Variants in GRK2 observed in about 807,000 individuals in gnomAD.
The protein encoded by GRK2 is adrenergic beta receptor kinase 1.
Under a neutral mutation model 97.8 loss-of-function variants are expected in GRK2, and 23 were observed. The observed-to-expected ratio is 0.24, with a 90% confidence interval of 0.17 to 0.33. GRK2 has a LOEUF of 0.33. Ranked by LOEUF, GRK2 falls within the 10% of genes least tolerant of loss-of-function variation. GRK2 has a pLI of 1.00. For missense variants in GRK2, 633 were observed against 956.9 expected, an observed-to-expected ratio of 0.66 and a Z score of 4.47; for synonymous variants, 425 against 381.7, an observed-to-expected ratio of 1.11 and a Z score of -1.32.
chr11:67,280,250 C>T (rs1009543871), intron 6 of GRK2: 7 of 406,596 alleles, frequency 1.7e-5, no homozygotes, highest in African/African-American at 1.4e-4. Context: ...AGGGGTAGGC[C>T]CAGTAGAGCG....
intron 18 of GRK2, 58 bp from the exon 19 acceptor site, chr11:67,284,789 C>T (rs1455264490): frequency 1.3e-6 from 2 of 1,578,762 alleles, no homozygotes; most frequent in Admixed American, 3.6e-5. Flanking sequence ...GACCCTGTCT[C>T]AAAACAAAAA....
chr11:67,286,104 C>T lies in GRK2; in HGVS notation c.*654C>T. On this transcript the variant is annotated 3_prime_UTR_variant, in exon 21 of 21. Coordinates refer to ENST00000308595, the MANE Select transcript of GRK2 (RefSeq NM_001619.5). Reference sequence around the variant, plus strand: ...CTACCCTCCCTGCTGTCCCCTCTTGCCCCAACCCCCAGCACCCGGGCTCAG... The same window carrying T: ...CTACCCTCCCTGCTGTCCCCTCTTGTCCCAACCCCCAGCACCCGGGCTCAG... 1 of 420,396 alleles carries T rather than the reference C, an allele frequency of 2.4e-6. No homozygotes were observed. Among genetic ancestry groups the T allele is most frequent in the Non-Finnish European group, 4.3e-6 (1 of 234,440 alleles). The allele number at this position is 420,396 out of a possible 1,614,324, so 26.0% of individuals were successfully genotyped here.
At position 67,276,982 on chromosome 11, in the gene GRK2, G is replaced by A. The variant is rs745826049; in HGVS notation, c.114-290G>A. ...CTTGGCCAAGTTCCCAAAGCCAGCCGGTGGCATCACTGGGACGAGACCCCA... is the reference window on the plus strand; with the variant it reads ...CTTGGCCAAGTTCCCAAAGCCAGCCAGTGGCATCACTGGGACGAGACCCCA... On this transcript the variant is annotated intron_variant, in intron 1 of 20. Transcript: ENST00000308595. This position sits in a 1 kb window ranked among gnomAD's most constrained non-coding sequence, Gnocchi z 4.2. The A allele has an allele frequency of 5.5e-5, 16 of 293,440 alleles. No homozygotes were observed. Among genetic ancestry groups the A allele is most frequent in the Non-Finnish European group, 8.3e-5 (13 of 155,924 alleles). 18.2% of individuals were successfully genotyped at this position (293,440 alleles called of 1,614,324 possible).
intron 1 of GRK2, among the ~76,000 whole-genome samples, chr11:67,267,485 G>C (rs1373916677): frequency 6.6e-6 from 1 of 152,140 alleles, no homozygotes; most frequent in Non-Finnish European, 1.5e-5. Flanking sequence ...CTCCCCCTCG[G>C]ACCGCGCTCA....
At chr11:67,284,509 G>T in intron 18 of GRK2, 136 bp downstream of exon 18, 1 of 1,068,122 alleles carries the variant, frequency 9.4e-7, no homozygotes, top group Non-Finnish European at 1.3e-6. Flanking sequence ...CTGGGGCCGG[G>T]CATGGTGGCT....
In GRK2 at chr11:67,285,483, T is replaced by TTA; in HGVS notation, c.*33_*34insTA. ...ACCCGCCTTTTATAAACCTCTAATT[T>TTA]ATTTTGTCGAATTTTTATTATTTGT... On this transcript the variant is annotated 3_prime_UTR_variant, in exon 21 of 21. Transcript: ENST00000308595. 1 of 1,500,796 alleles carries TTA rather than the reference T, an allele frequency of 6.7e-7. No individual in the cohort carries two copies. Among genetic ancestry groups the TTA allele is most frequent in the Non-Finnish European group, 8.9e-7 (1 of 1,127,988 alleles). 93.0% of individuals were successfully genotyped at this position (1,500,796 alleles called of 1,614,324 possible).
Position 67,286,079 on chromosome 11 carries a change from C to T in GRK2, c.*629C>T. The T allele has an allele frequency of 2.9e-6, 1 of 348,908 alleles. No individual in the cohort carries two copies. Among genetic ancestry groups the T allele is most frequent in the Non-Finnish European group, 5.3e-6 (1 of 189,942 alleles). 21.6% of individuals were successfully genotyped at this position (348,908 alleles called of 1,614,324 possible). On this transcript the variant is annotated 3_prime_UTR_variant, in exon 21 of 21. Coordinates refer to ENST00000308595, the MANE Select transcript of GRK2 (RefSeq NM_001619.5). ...AGAGTGGCATTGGCAGCAGGTGCTG[C>T]TACCCTCCCTGCTGTCCCCTCTTGC...
intron 1 of GRK2, among the ~76,000 whole-genome samples, chr11:67,267,936 A>C (rs1859831836): frequency 6.6e-6 from 1 of 152,164 alleles, no homozygotes; most frequent in African/African-American, 2.4e-5. Flanking sequence ...TCTACATTTC[A>C]TCAGCTACCC....
rs139609139 is a variant in GRK2, at chr11:67,284,310, G to A, written c.1591G>A (p.Ala531Thr). The A allele has an allele frequency of 4.7e-5, 76 of 1,613,374 alleles. No homozygotes were observed. Among genetic ancestry groups the A allele is most frequent in the African/African-American group, 3.1e-4 (23 of 75,058 alleles). The change falls in exon 18 of 21, where the codon GCT becomes ACT. Residue 531 changes from alanine (A) to threonine (T), a missense_variant. Physicochemically the swap from Ala to Thr is moderately conservative, Grantham distance 58. Coordinates refer to ENST00000308595, the MANE Select transcript of GRK2 (RefSeq NM_001619.5). ...AGAGACTGTCTTCGACACCATCAACGCTGAGACAGACCGGCTGGAGGCTCG... is the reference window on the plus strand; with the variant it reads ...AGAGACTGTCTTCGACACCATCAACACTGAGACAGACCGGCTGGAGGCTCG... ...VAETVFDTINAETDRLEARKK... is the reference protein window; with the variant it reads ...VAETVFDTINTETDRLEARKK...
At chr11:67,279,025 C>T (rs1385019030) in intron 2 of GRK2, among the ~76,000 whole-genome samples, 175 bp from the exon 3 acceptor site, 1 of 152,200 alleles carries the variant, frequency 6.6e-6, no homozygotes, top group Non-Finnish European at 1.5e-5. Flanking sequence ...ATCCAGGAAT[C>T]TTCACGTTGG....
At chr11:67,270,241 TA>T (rs1396340433) in intron 1 of GRK2, among the ~76,000 whole-genome samples, 1 of 152,204 alleles carries the variant, frequency 6.6e-6, no homozygotes, top group Non-Finnish European at 1.5e-5. Flanking sequence ...CTCGTGTAAT[TA>T]ATCTCTGGGC....
At chr11:67,275,967 C>T (rs1229014167) in intron 1 of GRK2, among the ~76,000 whole-genome samples, 5 of 152,184 alleles carry the variant, frequency 3.3e-5, no homozygotes, top group Admixed American at 2.0e-4. Flanking sequence ...AGATGTGCAG[C>T]GGGTCCTCGT....
Position 67,281,480 on chromosome 11 carries a change from C to T in GRK2, c.669C>T (p.Asp223=), listed in dbSNP as rs374629054. The T allele has an allele frequency of 3.7e-6, 6 of 1,613,530 alleles. No homozygotes were observed. Among genetic ancestry groups the T allele is most frequent in the Non-Finnish European group, 5.1e-6 (6 of 1,179,972 alleles). Reference sequence around the variant, plus strand: ...GTAGGTACGCCATGAAGTGCCTGGACAAAAAGCGCATCAAGATGAAGCAGG... The same window carrying T: ...GTAGGTACGCCATGAAGTGCCTGGATAAAAAGCGCATCAAGATGAAGCAGG... ...TGKMYAMKCL[D]KKRIKMKQGE... Residue 223 remains aspartate (D), a synonymous_variant, in exon 9 of 21, where the codon GAC becomes GAT. Coordinates refer to ENST00000308595, the MANE Select transcript of GRK2 (RefSeq NM_001619.5). This position sits in a 1 kb window ranked among gnomAD's most constrained non-coding sequence, Gnocchi z 5.7.
chr11:67,284,083 A>C (rs956720612), intron 17 of GRK2, 128 bp from the exon 18 acceptor site: 6 of 1,466,412 alleles, frequency 4.1e-6, no homozygotes, highest in Non-Finnish European at 5.6e-6. Context: ...TCCTTGGCCA[A>C]CTTCCCTGGG....
At chr11:67,278,945 C>T (rs1026821154) in intron 2 of GRK2, among the ~76,000 whole-genome samples, 2 of 152,210 alleles carry the variant, frequency 1.3e-5, no homozygotes, top group South Asian at 2.1e-4. Context: ...TGGTGCCCAT[C>T]GCCGTCCAGC....
chr11:67,282,852 GCTGGGGGGAGCTC>G lies in GRK2; in HGVS notation c.1227+38_1227+50del. 2.5e-6 allele frequency: 4 copies of G among 1,584,682 alleles called. No individual in the cohort carries two copies. Among genetic ancestry groups the G allele is most frequent in the African/African-American group, 1.3e-5 (1 of 74,566 alleles). Reference sequence around the variant, plus strand: ...AGGTCTCAGTGCAGGGCCGCAGGGGGCTGGGGGGAGCTCCTGTGGGTGCCAGGCCATGACTCTT... The same window carrying G: ...AGGTCTCAGTGCAGGGCCGCAGGGGGCTGTGGGTGCCAGGCCATGACTCTT... On this transcript the variant is annotated intron_variant, in intron 14 of 20. Coordinates refer to ENST00000308595, the MANE Select transcript of GRK2 (RefSeq NM_001619.5). The surrounding 1 kb of genome is among the most constrained non-coding windows in gnomAD (Gnocchi z 6.9).
intron 1 of GRK2, among the ~76,000 whole-genome samples, chr11:67,267,780 C>G (rs183342263): frequency 6.6e-6 from 1 of 152,190 alleles, no homozygotes; most frequent in African/African-American, 2.4e-5. Flanking sequence ...CTCTCAGCAG[C>G]GCATGGGGTG....
At position 67,274,495 on chromosome 11, in the gene GRK2, C is replaced by CTTTTTTTTT. The variant is rs57767154; in HGVS notation, c.114-2758_114-2750dup. On this transcript the variant is annotated intron_variant, in intron 1 of 20. Transcript: ENST00000308595. ...TCGCTACCTTCCGCTTGACCAGCAC[C>CTTTTTTTTT]TTTTTTTTTTTTTTTTTTTTTTTTT... Among the ~76,000 whole-genome samples the CTTTTTTTTT allele has an allele frequency of 4.8e-3, 108 of 22,442 alleles. 8 individuals are homozygous for CTTTTTTTTT. The highest frequency in any genetic ancestry group is 8.5e-3 in the African/African-American group (72 of 8,504). The allele number at this position is 22,442 out of a possible 152,430, so 14.7% of individuals were successfully genotyped here.
intron 1 of GRK2, among the ~76,000 whole-genome samples, chr11:67,267,854 TGGCCTGCCCC>T (rs1308236293): frequency 3.9e-5 from 6 of 152,162 alleles, no homozygotes; most frequent in African/African-American, 1.4e-4. Flanking sequence ...CAGAGGTGAG[TGGCCTGCCCC>T]GAGTCACACA....
Sources: allele counts gnomAD v4.1 joint callset (sites outside exome capture counted in the v4.1 genomes callset), GRCh38; gene constraint gnomAD v4.1.1; non-coding constraint Gnocchi (gnomAD v3.1); transcripts MANE v1.5; gene names NCBI Gene and HGNC (gene_info 2026-07-23, HGNC 2026-07-21).